Variants in ST6GAL1 observed in about 807,000 individuals in gnomAD.
ST6GAL1 encodes the protein beta-galactoside alpha-2,6-sialyltransferase 1.
ST6GAL1 carries 20 observed loss-of-function variants against 38.0 expected under a neutral mutation model. That is an observed-to-expected ratio of 0.53 (90% confidence interval 0.37 to 0.77). The LOEUF (loss-of-function observed/expected upper bound fraction) is 0.77. ST6GAL1 is among the 30% of genes least tolerant of loss of function. The pLI is 0.00. For missense variants in ST6GAL1, 432 were observed against 496.4 expected (o/e 0.87, Z 1.23); for synonymous variants, 196 against 188.2 (o/e 1.04, Z -0.34).
chr3:186,989,976 A>G (rs78231801), intron 2 of ST6GAL1, among the ~76,000 whole-genome samples: 3,711 of 152,238 alleles, frequency 0.024, 59 homozygotes, highest in Non-Finnish European at 0.035. Flanking sequence ...TGTAGCCACA[A>G]GCTTTGGAGT....
At chr3:187,048,555 A>G (rs931752677) in intron 4 of ST6GAL1, among the ~76,000 whole-genome samples, 1 of 152,134 alleles carries the variant, frequency 6.6e-6, no homozygotes, top group African/African-American at 2.4e-5. Context: ...TTAGTGTCAC[A>G]GTGTTTGTCA....
intron 5 of ST6GAL1, among the ~76,000 whole-genome samples, chr3:187,055,566 C>T (rs540912835): frequency 3.8e-4 from 58 of 152,242 alleles, no homozygotes; most frequent in African/African-American, 1.3e-3. Flanking sequence ...GTTATGTCCC[C>T]AGTAGTCATT....
intron 2 of ST6GAL1, among the ~76,000 whole-genome samples, chr3:187,035,076 A>G (rs151057571): frequency 6.6e-6 from 1 of 152,344 alleles, no homozygotes; most frequent in African/African-American, 2.4e-5. Context: ...AAACCAGTGT[A>G]TAAAAATTCA....
chr3:187,004,116 C>T (rs1373929381), intron 2 of ST6GAL1, among the ~76,000 whole-genome samples: 1 of 152,198 alleles, frequency 6.6e-6, no homozygotes, highest in Non-Finnish European at 1.5e-5. Context: ...AGCACCTTCC[C>T]CACCACTGCC....
At chr3:186,957,170 C>T (rs1467219844) in intron 1 of ST6GAL1, among the ~76,000 whole-genome samples, 11 of 152,152 alleles carry the variant, frequency 7.2e-5, no homozygotes, top group South Asian at 4.1e-4. Flanking sequence ...GTGCTGGGCG[C>T]GGTGGCTCAT....
chr3:186,941,196 G>A (rs112094959), intron 1 of ST6GAL1, among the ~76,000 whole-genome samples: 27 of 152,286 alleles, frequency 1.8e-4, no homozygotes, highest in African/African-American at 6.3e-4. Flanking sequence ...GTTTGTTTCT[G>A]GTCTCAGGGT....
Position 187,077,082 on chromosome 3 carries a change from C to G in ST6GAL1, c.*1279C>G, listed in dbSNP as rs1284109749. Reference sequence around the variant, plus strand: ...TCTCTCAGGGTGTAGTGGTGTGGCTCTCTGGACTTAACGTCACTCTCAGAG... The same window carrying G: ...TCTCTCAGGGTGTAGTGGTGTGGCTGTCTGGACTTAACGTCACTCTCAGAG... On this transcript the variant is annotated 3_prime_UTR_variant, in exon 8 of 8. Coordinates refer to ENST00000169298, the MANE Select transcript of ST6GAL1 (RefSeq NM_173216.2). 2.5e-6 allele frequency: 1 copy of G among 398,144 alleles called. No individual in the cohort carries two copies. The highest frequency in any genetic ancestry group is 4.4e-6 in the Non-Finnish European group (1 of 225,954). The allele number at this position is 398,144 out of a possible 1,614,324, so 24.7% of individuals were successfully genotyped here.
At chr3:186,978,080 G>A (rs1053329283) in intron 2 of ST6GAL1, among the ~76,000 whole-genome samples, 5 of 151,502 alleles carry the variant, frequency 3.3e-5, no homozygotes, top group Non-Finnish European at 5.9e-5. Context: ...GCGTGGTGGC[G>A]CACACCTGTA....
At chr3:186,945,682 T>G (rs1714333250) in intron 1 of ST6GAL1, among the ~76,000 whole-genome samples, 1 of 151,940 alleles carries the variant, frequency 6.6e-6, no homozygotes, top group African/African-American at 2.4e-5. Context: ...AGTGCTAACT[T>G]TAATTAGAAG....
chr3:187,024,493 T>TAGAGAG (rs61165191), intron 2 of ST6GAL1, among the ~76,000 whole-genome samples: 5 of 85,800 alleles, frequency 5.8e-5, no homozygotes, highest in South Asian at 3.5e-4. Context: ...TATATATATA[T>TAGAGAG]AGAGAGAGAG....
intron 2 of ST6GAL1, among the ~76,000 whole-genome samples, chr3:187,004,384 A>T (rs1716714097): frequency 6.6e-6 from 1 of 152,258 alleles, no homozygotes; most frequent in Non-Finnish European, 1.5e-5. Context: ...CCAGCCCCAG[A>T]GCCCAGGACT....
intron 2 of ST6GAL1, among the ~76,000 whole-genome samples, chr3:187,012,020 G>A (rs1006111129): frequency 1.3e-5 from 2 of 152,100 alleles, no homozygotes; most frequent in South Asian, 2.1e-4. Flanking sequence ...GCCAAGCTAT[G>A]GTCTCTGCCT....
In ST6GAL1 at chr3:187,072,772, G is replaced by A. The variant is rs766564107; in HGVS notation, c.706-77G>A. 6 of 1,274,456 alleles carry A rather than the reference G, an allele frequency of 4.7e-6. No homozygotes were observed. The Admixed American group carries it at 8.4e-5, about 18-fold the overall frequency. The allele number at this position is 1,274,456 out of a possible 1,614,324, so 78.9% of individuals were successfully genotyped here. A position where few individuals can be genotyped will look rare whatever the true frequency, so the allele number is the denominator to read the frequency against. Reference sequence around the variant, plus strand: ...TCTGGGGCCTCAGGCTGTACCTTGTGCTATGTCAGCTATTACTTCATGTCA... The same window carrying A: ...TCTGGGGCCTCAGGCTGTACCTTGTACTATGTCAGCTATTACTTCATGTCA... On this transcript the variant is annotated intron_variant, in intron 5 of 7. Coordinates refer to ENST00000169298, the MANE Select transcript of ST6GAL1 (RefSeq NM_173216.2).
At chr3:186,967,609 G>A (rs1393428776) in intron 2 of ST6GAL1, among the ~76,000 whole-genome samples, 1 of 152,230 alleles carries the variant, frequency 6.6e-6, no homozygotes, top group East Asian at 1.9e-4. Flanking sequence ...GGAGGAGGCA[G>A]AGTGGCAGAG....
At chr3:187,062,574 TCA>T (rs57175575) in intron 5 of ST6GAL1, among the ~76,000 whole-genome samples, 94 of 143,852 alleles carry the variant, frequency 6.5e-4, no homozygotes, top group South Asian at 4.4e-3. Flanking sequence ...AATAAGCCAG[TCA>T]CACACACACA....
intron 2 of ST6GAL1, among the ~76,000 whole-genome samples, chr3:187,015,694 A>T (rs1473279736): frequency 2.0e-5 from 3 of 151,802 alleles, no homozygotes; most frequent in African/African-American, 7.3e-5. Flanking sequence ...CAAAAATTAG[A>T]TGGGTGTCGT....
At chr3:186,984,726 C>T (rs1436917402) in intron 2 of ST6GAL1, among the ~76,000 whole-genome samples, 2 of 111,468 alleles carry the variant, frequency 1.8e-5, no homozygotes, top group African/African-American at 6.5e-5. Flanking sequence ...TCCCTTCCTC[C>T]CTTCCTTCCT....
chr3:187,068,341 CAAAAAA>C (rs112868643), intron 5 of ST6GAL1, among the ~76,000 whole-genome samples: 4 of 87,820 alleles, frequency 4.6e-5, no homozygotes, highest in African/African-American at 1.3e-4. Flanking sequence ...GACTCCATCT[CAAAAAA>C]AAAAAAAAAA....
intron 4 of ST6GAL1, 102 bp downstream of exon 4, chr3:187,043,412 A>C: frequency 1.3e-6 from 2 of 1,500,702 alleles, no homozygotes; most frequent in Non-Finnish European, 1.8e-6. Flanking sequence ...TCAGCGGACC[A>C]GTGGAGTGGG....
Sources: gnomAD v4.1 joint callset for allele counts (sites outside exome capture counted in the v4.1 genomes callset) on GRCh38, gnomAD v4.1.1 for gene constraint, MANE v1.5 for transcripts, NCBI Gene and HGNC (gene_info 2026-07-23, HGNC 2026-07-21) for gene names.